Variants in APOL6 observed in about 807,000 individuals in gnomAD.
APOL6 encodes the protein apolipoprotein L6.
APOL6 carries 1 observed loss-of-function variant against 2.4 expected under a neutral mutation model. The ratio of observed to expected loss-of-function variants is 0.41; its 90% CI spans 0.15 to 1.94. The LOEUF (loss-of-function observed/expected upper bound fraction) is 1.94. APOL6 is among the 30% of genes most tolerant of loss of function. The pLI is 0.30. For missense variants in APOL6, 438 were observed against 429.2 expected (o/e 1.02, Z -0.18); for synonymous variants, 189 against 169.3 (o/e 1.12, Z -0.90).
chr22:35,656,470 G>T lies in APOL6; in HGVS notation c.45G>T (p.Leu15Phe). ...AERESEAGVG[L>F]QRDEDDAPLC... ...GAGAAAGTGAGGCTGGTGTTGGTTT[G>T]CAAAGGTAATCCAAAGGGTGTAGTC... Residue 15 changes from leucine to phenylalanine, a missense_variant, in exon 2 of 3, where the codon TTG becomes TTT. Physicochemically the swap from Leu to Phe is conservative, Grantham distance 22 (BLOSUM62 0). Coordinates refer to ENST00000409652, the MANE Select transcript of APOL6 (RefSeq NM_030641.4). 2 of 1,614,066 alleles carry T rather than the reference G, an allele frequency of 1.2e-6. No homozygotes were observed. Among genetic ancestry groups the T allele is most frequent in the Non-Finnish European group, 1.7e-6 (2 of 1,179,968 alleles).
Position 35,659,421 on chromosome 22 carries a change from C to A in APOL6, c.857C>A (p.Thr286Asn). ...CTGGAGAGGAAACTCACAGAACTCA[C>A]CCAGCTCTACAAGAGCTTGCAGCAG... ...LELERKLTEL[T>N]QLYKSLQQKV... Residue 286 changes from threonine to asparagine, a missense_variant, in exon 3 of 3, where the codon ACC becomes AAC. By Grantham distance (65) the Thr-to-Asn change is moderately conservative. Transcript: ENST00000409652. The A allele has an allele frequency of 6.2e-7, 1 of 1,614,094 alleles. No homozygotes were observed. Among genetic ancestry groups the A allele is most frequent in the Non-Finnish European group, 8.5e-7 (1 of 1,180,022 alleles).
intron 1 of APOL6, among the ~76,000 whole-genome samples, chr22:35,650,945 A>AT (rs566375532): frequency 1.4e-3 from 216 of 151,172 alleles, no homozygotes; most frequent in Middle Eastern, 6.8e-3. Context: ...AAAAAAAAAA[A>AT]TTTTTTTAAA....
At chr22:35,649,068 C>T (rs1924621218) in intron 1 of APOL6, among the ~76,000 whole-genome samples, 1 of 152,110 alleles carries the variant, frequency 6.6e-6, no homozygotes, top group South Asian at 2.1e-4. Flanking sequence ...GCAAAGCCAA[C>T]CTACAGAGTT....
intron 2 of APOL6, among the ~76,000 whole-genome samples, chr22:35,657,830 C>T (rs190070688): frequency 2.6e-5 from 4 of 152,346 alleles, no homozygotes; most frequent in Non-Finnish European, 5.9e-5. Flanking sequence ...GCTTTGCTCT[C>T]ACCCTGATGC....
chr22:35,655,624 T>G (rs971008357), intron 1 of APOL6, among the ~76,000 whole-genome samples: 3 of 152,144 alleles, frequency 2.0e-5, no homozygotes, highest in Admixed American at 6.5e-5. Flanking sequence ...CTTCTGTTGA[T>G]TGATGTATTT....
chr22:35,653,754 A>G (rs57812374), intron 1 of APOL6, among the ~76,000 whole-genome samples: 7,824 of 152,194 alleles, frequency 0.051, 530 homozygotes, highest in African/African-American at 0.16. Flanking sequence ...GCAATTCTCC[A>G]CTTCTTTATG....
At position 35,659,176 on chromosome 22, in the gene APOL6, T is replaced by G. The variant is rs200966307; in HGVS notation, c.612T>G (p.Leu204=). Residue 204 remains leucine (L), a synonymous_variant, in exon 3 of 3, where the codon CTT becomes CTG. Coordinates refer to ENST00000409652, the MANE Select transcript of APOL6 (RefSeq NM_030641.4). ...NPRLANATKR[L]LTTGQVSSRS... ...GCTTGGCCAATGCTACCAAGCGTCTTCTGACCACTGGCCAAGTCTCCTCCC... is the reference window on the plus strand; with the variant it reads ...GCTTGGCCAATGCTACCAAGCGTCTGCTGACCACTGGCCAAGTCTCCTCCC... The G allele has an allele frequency of 2.1e-5, 34 of 1,614,038 alleles. No homozygotes were observed. The highest frequency in any genetic ancestry group is 2.9e-5 in the Non-Finnish European group (34 of 1,180,036).
Position 35,658,803 on chromosome 22 carries a change from T to C in APOL6, c.239T>C (p.Val80Ala), listed in dbSNP as rs745651790. The change falls in exon 3 of 3, where the codon GTG (valine) becomes GCG (alanine). Residue 80 changes from valine (V) to alanine (A), a missense_variant. Coordinates refer to ENST00000409652, the MANE Select transcript of APOL6 (RefSeq NM_030641.4). ...THKKFTKANMVATSTAVISGV... is the reference protein window; with the variant it reads ...THKKFTKANMAATSTAVISGV... ...AAGAAATTCACCAAGGCTAACATGG[T>C]GGCCACCTCTACTGCTGTCATCTCT... 4.3e-6 allele frequency: 7 copies of C among 1,614,032 alleles called. No homozygotes were observed. The highest frequency in any genetic ancestry group is 5.1e-6 in the Non-Finnish European group (6 of 1,180,026).
rs1043305876 is a variant in APOL6 at position 35,665,093 on chromosome 22, A to G, written c.*5497A>G. 1.3e-5 allele frequency: 2 copies of G among 150,268 alleles called. No individual in the cohort carries two copies. Among genetic ancestry groups the G allele is most frequent in the African/African-American group, 5.0e-5 (2 of 40,322 alleles). 9.3% of individuals were successfully genotyped at this position (150,268 alleles called of 1,614,324 possible). On this transcript the variant is annotated 3_prime_UTR_variant, in exon 3 of 3. Transcript: ENST00000409652. ...GAACATTGGTGTAAGTCATGATAAG[A>G]TTTTATATATATATATACACACACA...
intron 2 of APOL6, among the ~76,000 whole-genome samples, chr22:35,656,823 C>A (rs1350868551): frequency 2.0e-5 from 3 of 151,402 alleles, no homozygotes; most frequent in South Asian, 2.1e-4. Context: ...AGGAAGGAAG[C>A]CATTTGGTGT....
rs1327969345 is a variant in APOL6, at chr22:35,658,855, C to T, written c.291C>T (p.Ala97=). The change falls in exon 3 of 3, where the codon GCC becomes GCT. Residue 97 remains alanine, a synonymous_variant. Coordinates refer to ENST00000409652, the MANE Select transcript of APOL6 (RefSeq NM_030641.4). ...GAGTGATGAGCCTCCTGGGTTTAGC[C>T]CTTGCCCCAGCAACAGGAGGAGGAA... The part of the protein sequence containing the change: ...ISGVMSLLGL[A]LAPATGGGSL... 6.2e-7 allele frequency: 1 copy of T among 1,614,134 alleles called. No homozygotes were observed.
intron 1 of APOL6, among the ~76,000 whole-genome samples, chr22:35,648,873 T>A (rs1275415059): frequency 1.3e-5 from 2 of 152,224 alleles, no homozygotes; most frequent in Non-Finnish European, 2.9e-5. Flanking sequence ...GCATGCGATG[T>A]GACTAGCCAA....
intron 1 of APOL6, among the ~76,000 whole-genome samples, chr22:35,652,303 T>C (rs1037424491): frequency 6.6e-6 from 1 of 152,142 alleles, no homozygotes; most frequent in Non-Finnish European, 1.5e-5. Flanking sequence ...ATTAGCCCTT[T>C]GTCAGATGAG....
Position 35,664,290 on chromosome 22 carries a change from A to G in APOL6, c.*4694A>G, listed in dbSNP as rs887257551. 2 of 152,260 alleles carry G rather than the reference A, an allele frequency of 1.3e-5. No homozygotes were observed. 9.4% of individuals were successfully genotyped at this position (152,260 alleles called of 1,614,324 possible). Reference sequence around the variant, plus strand: ...TTGTGTAATTTTTAATAAATAAGACATTGATATGGGTTTAATGAAAACAGC... The same window carrying G: ...TTGTGTAATTTTTAATAAATAAGACGTTGATATGGGTTTAATGAAAACAGC... On this transcript the variant is annotated 3_prime_UTR_variant, in exon 3 of 3. Transcript: ENST00000409652.
chr22:35,649,840 C>A (rs1339256275), intron 1 of APOL6, among the ~76,000 whole-genome samples: 1 of 152,204 alleles, frequency 6.6e-6, no homozygotes, highest in East Asian at 1.9e-4. Context: ...ACCAGGTGAT[C>A]CCTGGTTGTG....
chr22:35,658,529 G>T lies in APOL6; in HGVS notation c.51-86G>T, dbSNP rs561966608. On this transcript the variant is annotated intron_variant, in intron 2 of 2. Coordinates refer to ENST00000409652, the MANE Select transcript of APOL6 (RefSeq NM_030641.4). ...TAGGGAGGTACAGGGAGGATTCGAA[G>T]CTGAGAGTGGCAAGAATATCCAAGA... 8 of 1,220,012 alleles carry T rather than the reference G, an allele frequency of 6.6e-6. 1 individual carries two copies. The East Asian group carries it at 2.0e-4, about 30-fold the overall frequency. The allele number at this position is 1,220,012 out of a possible 1,614,324, so 75.6% of individuals were successfully genotyped here. A position where few individuals can be genotyped will look rare whatever the true frequency, so the allele number is the denominator to read the frequency against.
chr22:35,652,856 C>T (rs1188526148), intron 1 of APOL6, among the ~76,000 whole-genome samples: 2 of 151,568 alleles, frequency 1.3e-5, no homozygotes, highest in Non-Finnish European at 2.9e-5. Flanking sequence ...GTTCTTTTGG[C>T]TTAGGATTGA....
rs1278078117 is a variant in APOL6 at position 35,663,246 on chromosome 22, C to T, written c.*3650C>T. On this transcript the variant is annotated 3_prime_UTR_variant, in exon 3 of 3. Coordinates refer to ENST00000409652, the MANE Select transcript of APOL6 (RefSeq NM_030641.4). ...TTAATTACTATAGGGGCTTTATTTA[C>T]ATAACACAGCCAGCTTTTTGCTAGC... 1 of 152,128 alleles carries T rather than the reference C, an allele frequency of 6.6e-6. No homozygotes were observed. Among genetic ancestry groups the T allele is most frequent in the Admixed American group, 6.6e-5 (1 of 15,262 alleles). The allele number at this position is 152,128 out of a possible 1,614,324, so 9.4% of individuals were successfully genotyped here.
rs1925059279 is a variant in APOL6 at position 35,662,626 on chromosome 22, C to T, written c.*3030C>T. On this transcript the variant is annotated 3_prime_UTR_variant, in exon 3 of 3. Coordinates refer to ENST00000409652, the MANE Select transcript of APOL6 (RefSeq NM_030641.4). Reference sequence around the variant, plus strand: ...TGTATAAAACCAAGGTATGCCCCAACCATCTTGGCCACATGTCATCAGGAC... The same window carrying T: ...TGTATAAAACCAAGGTATGCCCCAATCATCTTGGCCACATGTCATCAGGAC... The T allele has an allele frequency of 6.6e-6, 1 of 152,292 alleles. No individual in the cohort carries two copies. Among genetic ancestry groups the T allele is most frequent in the African/African-American group, 2.4e-5 (1 of 41,450 alleles). The allele number at this position is 152,292 out of a possible 1,614,324, so 9.4% of individuals were successfully genotyped here. A position where few individuals can be genotyped will look rare whatever the true frequency, so the allele number is the denominator to read the frequency against.
Sources: gnomAD v4.1 joint callset for allele counts (sites outside exome capture counted in the v4.1 genomes callset) on GRCh38, gnomAD v4.1.1 for gene constraint, MANE v1.5 for transcripts, NCBI Gene and HGNC (gene_info 2026-07-23, HGNC 2026-07-21) for gene names.